The following KATNAL2 variants were observed in gnomAD, a reference collection of about 807,000 sequenced individuals.
KATNAL2 encodes the protein katanin p60 ATPase-containing subunit A-like 2.
A neutral mutation model predicts 76.3 loss-of-function variants in KATNAL2; 52 were observed. That is an observed-to-expected ratio of 0.68 (90% CI 0.55 to 0.86). The LOEUF is 0.86. Among genes scored for constraint, KATNAL2 ranks in the 40% least tolerant of loss-of-function variants. The pLI, the probability that KATNAL2 is intolerant of heterozygous loss-of-function variation, is 0.00. For synonymous variants in KATNAL2, 243 were observed against 244.2 expected (o/e 1.00, Z 0.05); for missense variants, 660 against 668.9 (o/e 0.99, Z 0.15).
chr18:46,932,534 C>T (rs1314023257), intron 1 of KATNAL2, among the ~76,000 whole-genome samples: 2 of 151,168 alleles, frequency 1.3e-5, no homozygotes, highest in African/African-American at 2.4e-5. Flanking sequence ...AACTAGTTGG[C>T]ATGGTGCTGT....
chr18:46,928,497 G>C (rs1282677150), intron 1 of KATNAL2, among the ~76,000 whole-genome samples: 6 of 152,146 alleles, frequency 3.9e-5, no homozygotes, highest in African/African-American at 1.4e-4. Context: ...TGCCCCTACT[G>C]GGGGGTGCCT....
At chr18:47,039,460 A>T (rs575663348) in intron 3 of KATNAL2, among the ~76,000 whole-genome samples, 1 of 151,916 alleles carries the variant, frequency 6.6e-6, no homozygotes, top group Admixed American at 6.6e-5. Context: ...TTCTTCCAGG[A>T]TCTTTTTTTT....
At chr18:47,066,847 T>A (rs8098601) in intron 10 of KATNAL2, among the ~76,000 whole-genome samples, 174 bp from the exon 11 acceptor site, 16 of 29,582 alleles carry the variant, frequency 5.4e-4, no homozygotes, top group Admixed American at 1.9e-3. Context: ...ATATATGTGT[T>A]TATATATATA....
intron 1 of KATNAL2, among the ~76,000 whole-genome samples, chr18:46,933,945 GT>G (rs2059012656): frequency 1.3e-5 from 2 of 149,822 alleles, no homozygotes; most frequent in Non-Finnish European, 3.0e-5. Flanking sequence ...ATGGTTTCCA[GT>G]TTCATCCATG....
chr18:47,077,665 G>T, intron 15 of KATNAL2: 1 of 465,948 alleles, frequency 2.1e-6, no homozygotes, highest in Non-Finnish European at 3.8e-6. Flanking sequence ...ACACAGGCCA[G>T]GGTGACCATT....
intron 3 of KATNAL2, among the ~76,000 whole-genome samples, chr18:47,039,296 TCA>T (rs1170543788): frequency 6.6e-6 from 1 of 152,158 alleles, no homozygotes; most frequent in African/African-American, 2.4e-5. Context: ...TTCAAGATAT[TCA>T]CAGAGATATA....
At chr18:47,093,684 AT>A (rs1158528646) in intron 15 of KATNAL2, among the ~76,000 whole-genome samples, 1 of 151,842 alleles carries the variant, frequency 6.6e-6, no homozygotes, top group Admixed American at 6.5e-5. Context: ...TGCCTGGCTA[AT>A]TTTTTTGTAG....
At chr18:47,044,035 A>G (rs756312765) in intron 3 of KATNAL2, among the ~76,000 whole-genome samples, 3 of 152,204 alleles carry the variant, frequency 2.0e-5, no homozygotes, top group Non-Finnish European at 4.4e-5. Flanking sequence ...AAACAATGAT[A>G]TATTATTTAG....
chr18:46,937,556 A>C (rs996814908), intron 1 of KATNAL2, among the ~76,000 whole-genome samples: 5 of 152,130 alleles, frequency 3.3e-5, no homozygotes, highest in African/African-American at 1.2e-4. Context: ...GATCTTTTTC[A>C]CCAAGCTGCA....
In KATNAL2 at chr18:47,033,343, A is replaced by G; in HGVS notation, c.52-13114A>G. ...CTTGGCCACAGATTTGAAACAGATC[A>G]TCTTTGCCTCTCTGCCGTTGGGGTT... On this transcript the variant is annotated intron_variant, in intron 3 of 17. Transcript: ENST00000683218. 2 of 1,613,948 alleles carry G rather than the reference A, an allele frequency of 1.2e-6. No homozygotes were observed. The highest frequency in any genetic ancestry group is 8.5e-7 in the Non-Finnish European group (1 of 1,180,028).
Position 46,946,868 on chromosome 18 carries a change from G to A in KATNAL2, c.-5G>A. On this transcript the variant is annotated 5_prime_UTR_variant, in exon 3 of 18. Transcript: ENST00000683218. ...CCCTTCTCTAGGGTCCTAGCACAGTGTCTGATGGAGCTTTCCTACCAGACC... is the reference window on the plus strand; with the variant it reads ...CCCTTCTCTAGGGTCCTAGCACAGTATCTGATGGAGCTTTCCTACCAGACC... 1 of 1,535,900 alleles carries A rather than the reference G, an allele frequency of 6.5e-7. No homozygotes were observed. The highest frequency in any genetic ancestry group is 8.7e-7 in the Non-Finnish European group (1 of 1,146,744).
intron 3 of KATNAL2, chr18:47,034,726 A>G: frequency 6.2e-7 from 1 of 1,612,990 alleles, no homozygotes; most frequent in East Asian, 2.2e-5. Flanking sequence ...GCCCTCGGGC[A>G]TCCGGAGGGG....
At chr18:47,033,374 C>T (rs2060579787) in intron 3 of KATNAL2, 1 of 1,614,170 alleles carries the variant, frequency 6.2e-7, no homozygotes, top group Non-Finnish European at 8.5e-7. Context: ...GGGTTGTTTC[C>T]ACGTGCAGAT....
chr18:47,088,599 AGG>A (rs550342335), intron 15 of KATNAL2, among the ~76,000 whole-genome samples: 6 of 151,886 alleles, frequency 4.0e-5, no homozygotes, highest in African/African-American at 7.3e-5. Context: ...CATTTTTGAG[AGG>A]GGGGTCTCAC....
chr18:46,952,396 T>G (rs545533189), intron 3 of KATNAL2, among the ~76,000 whole-genome samples: 6 of 124,982 alleles, frequency 4.8e-5, no homozygotes, highest in Non-Finnish European at 1.0e-4. Flanking sequence ...CAGGTATGTT[T>G]TTTTTTTTTT....
rs55886438 is a variant in KATNAL2, at chr18:46,936,609, A to G, written c.-509-9448A>G. Among the ~76,000 whole-genome samples, 1,000 of 152,222 alleles carry G rather than the reference A, an allele frequency of 6.6e-3. 8 individuals carry two copies. The highest frequency in any genetic ancestry group is 0.023 in the African/African-American group (963 of 41,536). ...TCTAGGGGTCAAAAGAGAAATCACCATGAAAATTTTAAAACTATTTACCTG... is the reference window on the plus strand; with the variant it reads ...TCTAGGGGTCAAAAGAGAAATCACCGTGAAAATTTTAAAACTATTTACCTG... On this transcript the variant is annotated intron_variant, in intron 1 of 17. Coordinates refer to ENST00000683218, the MANE Select transcript of KATNAL2 (RefSeq NM_001387690.1).
chr18:47,085,370 A>T (rs2062724424), intron 15 of KATNAL2, among the ~76,000 whole-genome samples: 1 of 152,140 alleles, frequency 6.6e-6, no homozygotes, highest in Admixed American at 6.5e-5. Flanking sequence ...TAACTTTGGG[A>T]GACATTTCGT....
chr18:46,955,597 T>C (rs2059722898), intron 3 of KATNAL2, among the ~76,000 whole-genome samples: 1 of 152,132 alleles, frequency 6.6e-6, no homozygotes. Flanking sequence ...TCTCACCGTT[T>C]TGCCCAGGCT....
chr18:47,089,014 T>C (rs2062889706), intron 15 of KATNAL2, among the ~76,000 whole-genome samples: 2 of 152,230 alleles, frequency 1.3e-5, no homozygotes, highest in South Asian at 4.1e-4. Flanking sequence ...CCTTTCATAG[T>C]AGGCATGCAC....
Sources: gnomAD v4.1 joint callset for allele counts (sites outside exome capture counted in the v4.1 genomes callset) on GRCh38, gnomAD v4.1.1 for gene constraint, MANE v1.5 for transcripts, NCBI Gene and HGNC (gene_info 2026-07-23, HGNC 2026-07-21) for gene names.